MSH4: variants seen among roughly 807,000 people sequenced by gnomAD.
MSH4 encodes mutS homolog 4, also known as mutS protein homolog 4.
In MSH4, 106 loss-of-function variants were observed where a neutral mutation model predicts 113.7. The ratio of observed to expected loss-of-function variants is 0.93; its 90% CI spans 0.80 to 1.10. The LOEUF (loss-of-function observed/expected upper bound fraction) is 1.10. MSH4 is among the 50% of genes least tolerant of loss of function. The probability of loss-of-function intolerance (pLI) is 0.00; values close to 1 mark genes in which losing one functional copy is unlikely to be tolerated. For synonymous variants in MSH4, 368 were observed against 380.2 expected (o/e 0.97, Z 0.37); for missense variants, 1,061 against 1,093.7 (o/e 0.97, Z 0.42).
intron 12 of MSH4, among the ~76,000 whole-genome samples, chr1:75,879,746 G>A (rs1210563553): frequency 2.0e-5 from 3 of 152,112 alleles, no homozygotes; most frequent in African/African-American, 4.8e-5. Flanking sequence ...CATCATGCGT[G>A]TTACTTGGTA....
intron 15 of MSH4, among the ~76,000 whole-genome samples, chr1:75,885,059 G>GTA (rs1198722667): frequency 1.7e-3 from 196 of 112,542 alleles, no homozygotes; most frequent in African/African-American, 4.0e-3. Flanking sequence ...GTGTGTGTGT[G>GTA]TATATATATA....
intron 1 of MSH4, among the ~76,000 whole-genome samples, chr1:75,798,720 TAATTTAAAA>T (rs1279761057): frequency 6.6e-6 from 1 of 151,836 alleles, no homozygotes; most frequent in African/African-American, 2.4e-5. Flanking sequence ...TACAGATGGC[TAATTTAAAA>T]AATTTTTTTG....
At chr1:75,881,201 C>A (rs1651923931) in intron 13 of MSH4, 45 bp from the exon 14 acceptor site, 2 of 1,473,504 alleles carry the variant, frequency 1.4e-6, no homozygotes, top group South Asian at 1.2e-5. Context: ...ATGTATGTCC[C>A]TTTTGAAAAA....
intron 12 of MSH4, among the ~76,000 whole-genome samples, chr1:75,879,829 C>T (rs891591703): frequency 4.6e-5 from 7 of 152,104 alleles, no homozygotes; most frequent in Non-Finnish European, 8.8e-5. Context: ...TCAAAATATC[C>T]TGCTTTTTAA....
At chr1:75,803,084 A>T (rs1364181500) in intron 1 of MSH4, among the ~76,000 whole-genome samples, 4 of 152,116 alleles carry the variant, frequency 2.6e-5, no homozygotes, top group Non-Finnish European at 4.4e-5. Flanking sequence ...GTCCTGCCAC[A>T]CTTCACTGGG....
intron 3 of MSH4, 107 bp downstream of exon 3, chr1:75,807,248 C>A: frequency 1.2e-6 from 1 of 804,784 alleles, no homozygotes; most frequent in Non-Finnish European, 1.8e-6. Context: ...AAAGGTTATT[C>A]ATTATTATGT....
intron 16 of MSH4, among the ~76,000 whole-genome samples, 176 bp from the exon 17 acceptor site, chr1:75,890,520 G>C (rs1446836486): frequency 6.6e-6 from 1 of 151,888 alleles, no homozygotes; most frequent in Non-Finnish European, 1.5e-5. Flanking sequence ...TATTCTACTG[G>C]AATTATTAGT....
At chr1:75,844,914 G>T (rs1651043287) in intron 7 of MSH4, among the ~76,000 whole-genome samples, 1 of 152,210 alleles carries the variant, frequency 6.6e-6, no homozygotes, top group Admixed American at 6.5e-5. Context: ...TGTATCTGGT[G>T]AGGGCCTTCT....
intron 4 of MSH4, among the ~76,000 whole-genome samples, 153 bp downstream of exon 4, chr1:75,810,960 C>T (rs1295446316): frequency 6.6e-6 from 1 of 152,124 alleles, no homozygotes; most frequent in Non-Finnish European, 1.5e-5. Flanking sequence ...CAACCTCCAG[C>T]TCCCGAGTTC....
At chr1:75,859,316 T>A (rs927200595) in intron 8 of MSH4, among the ~76,000 whole-genome samples, 1 of 152,198 alleles carries the variant, frequency 6.6e-6, no homozygotes, top group Non-Finnish European at 1.5e-5. Flanking sequence ...TTTGAATTTG[T>A]TTGCTCTTGA....
rs574135867 is a variant in MSH4, at chr1:75,827,174, G to C, written c.1162+4593G>C. Among the ~76,000 whole-genome samples, 82 of 152,182 alleles carry C rather than the reference G, an allele frequency of 5.4e-4. 2 individuals are homozygous for C. The South Asian group carries it at 0.016, about 30-fold the overall frequency. ...AACCCTACAAGCAAGAAGAGAGTGG[G>C]GGCCAATATTCAATATTCTTAAAGA... On this transcript the variant is annotated intron_variant, in intron 7 of 19. Transcript: ENST00000263187.
At chr1:75,809,057 T>C (rs572789998) in intron 3 of MSH4, among the ~76,000 whole-genome samples, 19 of 152,160 alleles carry the variant, frequency 1.2e-4, no homozygotes, top group African/African-American at 4.3e-4. Context: ...CACCACCACA[T>C]AGAGCTGATT....
chr1:75,885,262 A>T (rs975715295), intron 15 of MSH4, among the ~76,000 whole-genome samples: 2 of 133,886 alleles, frequency 1.5e-5, no homozygotes, highest in Non-Finnish European at 3.1e-5. Flanking sequence ...TATATATATA[A>T]AATATGTATA....
At chr1:75,827,989 G>A (rs541522480) in intron 7 of MSH4, among the ~76,000 whole-genome samples, 38 of 152,166 alleles carry the variant, frequency 2.5e-4, no homozygotes, top group African/African-American at 8.4e-4. Flanking sequence ...AATTGCCCTG[G>A]GCAAAGTACA....
intron 15 of MSH4, among the ~76,000 whole-genome samples, chr1:75,888,829 A>T (rs1652186344): frequency 6.7e-6 from 1 of 150,312 alleles, no homozygotes; most frequent in Non-Finnish European, 1.5e-5. Flanking sequence ...TCTGTTTGTT[A>T]TGTACTTGAA....
intron 8 of MSH4, among the ~76,000 whole-genome samples, chr1:75,858,582 A>G (rs904469006): frequency 6.6e-6 from 1 of 152,126 alleles, no homozygotes; most frequent in Non-Finnish European, 1.5e-5. Flanking sequence ...GATTTTGTGT[A>G]TGTTGAACCA....
rs988634171 is a variant in MSH4 at position 75,844,336 on chromosome 1, A to G, written c.1163-3873A>G. Among the ~76,000 whole-genome samples, 3 of 152,076 alleles carry G rather than the reference A, an allele frequency of 2.0e-5. No individual in the cohort carries two copies. The East Asian group carries it at 5.8e-4, about 30-fold the overall frequency. ...TTACTTATTTATATTTATTTTTATT[A>G]ATTTTTTTGAGACAGAGTCTGACTC... On this transcript the variant is annotated intron_variant, in intron 7 of 19. Coordinates refer to ENST00000263187, the MANE Select transcript of MSH4 (RefSeq NM_002440.4).
At chr1:75,836,272 C>T (rs1255520772) in intron 7 of MSH4, among the ~76,000 whole-genome samples, 1 of 150,752 alleles carries the variant, frequency 6.6e-6, no homozygotes, top group East Asian at 2.0e-4. Flanking sequence ...CTTCTGGAAG[C>T]AGATTCTTTT....
At chr1:75,904,543 G>C (rs11161857) in intron 19 of MSH4, among the ~76,000 whole-genome samples, 29,100 of 147,818 alleles carry the variant, frequency 0.2, 3,023 homozygotes, top group Middle Eastern at 0.28. Context: ...ACAGGATCTT[G>C]TTCTGTTGCC....
Sources: gnomAD v4.1 joint callset for allele counts (sites outside exome capture counted in the v4.1 genomes callset) on GRCh38, gnomAD v4.1.1 for gene constraint, MANE v1.5 for transcripts, NCBI Gene and HGNC (gene_info 2026-07-23, HGNC 2026-07-21) for gene names.